FEZ2: variants seen among roughly 807,000 people sequenced by gnomAD.
FEZ2 encodes the protein fasciculation and elongation protein zeta 2, also known as fasciculation and elongation protein zeta-2.
In FEZ2, 51 loss-of-function variants were observed where a neutral mutation model predicts 40.4. That is an observed-to-expected ratio of 1.26 (90% CI 1.01 to 1.59). The LOEUF is 1.59. FEZ2 is among the 40% of genes most tolerant of loss of function. The pLI is 0.00. For missense variants in FEZ2, 640 were observed against 438.3 expected (o/e 1.46, Z -4.11); for synonymous variants, 242 against 172.0 (o/e 1.41, Z -3.18).
chr2:36,555,558 C>A (rs566076381), intron 7 of FEZ2, 125 bp downstream of exon 7: 40 of 517,678 alleles, frequency 7.7e-5, no homozygotes, highest in Non-Finnish European at 1.4e-4. Flanking sequence ...AATCCTCACC[C>A]TGCATAATAA....
At chr2:36,583,209 G>A in intron 3 of FEZ2, 144 bp downstream of exon 3, 1 of 536,728 alleles carries the variant, frequency 1.9e-6, no homozygotes, top group Non-Finnish European at 3.3e-6. Flanking sequence ...TTTCTCTGTG[G>A]AAGAGTTAAC....
In FEZ2 at chr2:36,592,490, C is replaced by T. The variant is rs542584370; in HGVS notation, c.267-1479G>A. Reference sequence around the variant, plus strand: ...ACTGCAACGGCTAAAAGCATAACATCCCAAATGATGTTTGGCTTTAAAATG... The same window carrying T: ...ACTGCAACGGCTAAAAGCATAACATTCCAAATGATGTTTGGCTTTAAAATG... On this transcript the variant is annotated intron_variant, in intron 1 of 7. Coordinates refer to ENST00000405912, the MANE Select transcript of FEZ2 (RefSeq NM_005102.3). Among the ~76,000 whole-genome samples the T allele has an allele frequency of 7.9e-5, 12 of 152,176 alleles. 1 individual carries two copies. In the South Asian group the frequency reaches 2.5e-3, roughly 32 times the overall value.
At chr2:36,566,572 T>G (rs1171073100) in intron 5 of FEZ2, among the ~76,000 whole-genome samples, 2 of 152,190 alleles carry the variant, frequency 1.3e-5, no homozygotes. Context: ...TGACTGATAG[T>G]CAGTGACTTA....
At chr2:36,581,606 T>C (rs534931124) in intron 3 of FEZ2, 175 bp from the exon 4 acceptor site, 100 of 584,054 alleles carry the variant, frequency 1.7e-4, no homozygotes, top group South Asian at 1.0e-3. Flanking sequence ...GGAGTGAACA[T>C]GGTTTATCAA....
chr2:36,557,844 A>G (rs10175266), intron 6 of FEZ2: 48,066 of 151,780 alleles, frequency 0.32, 7,934 homozygotes, highest in Middle Eastern at 0.52. Flanking sequence ...TAAATCTAAC[A>G]ATTTTTTTTT....
chr2:36,578,951 T>C (rs538657465), intron 4 of FEZ2, 86 bp from the exon 5 acceptor site: 2 of 1,072,434 alleles, frequency 1.9e-6, no homozygotes, highest in East Asian at 2.4e-5. Flanking sequence ...AATGACTAAA[T>C]AAACACCTAT....
At chr2:36,579,847 A>G (rs1668681342) in intron 4 of FEZ2, among the ~76,000 whole-genome samples, 1 of 152,210 alleles carries the variant, frequency 6.6e-6, no homozygotes, top group Non-Finnish European at 1.5e-5. Flanking sequence ...CAGATAGGAC[A>G]CTGTTAAAGT....
intron 1 of FEZ2, among the ~76,000 whole-genome samples, chr2:36,597,308 G>A (rs1669255957): frequency 6.6e-6 from 1 of 152,032 alleles, no homozygotes; most frequent in African/African-American, 2.4e-5. Context: ...TCTTTATAAA[G>A]TCGTTCCTTA....
chr2:36,574,399 C>A (rs924744340), intron 5 of FEZ2, among the ~76,000 whole-genome samples: 1 of 151,780 alleles, frequency 6.6e-6, no homozygotes. Context: ...TTATTAGGTA[C>A]CTAAGGTTGG....
intron 5 of FEZ2, among the ~76,000 whole-genome samples, chr2:36,576,700 T>C (rs1025198178): frequency 1.3e-5 from 2 of 152,250 alleles, no homozygotes; most frequent in African/African-American, 2.4e-5. Flanking sequence ...TCAAATATTA[T>C]GAAAAATATT....
chr2:36,584,591 G>C (rs2125238020), intron 2 of FEZ2, among the ~76,000 whole-genome samples: 1 of 152,294 alleles, frequency 6.6e-6, no homozygotes, highest in African/African-American at 2.4e-5. Flanking sequence ...GGAAGGATTA[G>C]CACACACTGA....
At chr2:36,591,187 A>C (rs1669062403) in intron 1 of FEZ2, 176 bp from the exon 2 acceptor site, 4 of 593,092 alleles carry the variant, frequency 6.7e-6, no homozygotes, top group Non-Finnish European at 1.2e-5. Context: ...AACGAGGTGA[A>C]AAATCACATA....
rs1375302053 is a variant in FEZ2, at chr2:36,598,043, C to A, written c.100G>T (p.Ala34Ser). ...CCACCCGCCTCGGCCCCCGCCTCCGCCCCAGGCTCGGGGCTCGCGTTACAG... is the reference window on the plus strand; with the variant it reads ...CCACCCGCCTCGGCCCCCGCCTCCGACCCAGGCTCGGGGCTCGCGTTACAG... ...ENCNASPEPG[A>S]EAGAEAGGGA... is the part of the protein sequence containing the mutation. The change falls in exon 1 of 8, where the codon GCG (alanine) becomes TCG (serine). Residue 34 changes from alanine (A) to serine (S), a missense_variant. Ala to Ser is a moderately conservative substitution (Grantham distance 99). Transcript: ENST00000405912. The A allele has an allele frequency of 1.3e-6, 2 of 1,501,850 alleles. No individual in the cohort carries two copies. Among genetic ancestry groups the A allele is most frequent in the Non-Finnish European group, 8.8e-7 (1 of 1,130,664 alleles). The allele number at this position is 1,501,850 out of a possible 1,614,324, so 93.0% of individuals were successfully genotyped here. A position where few individuals can be genotyped will look rare whatever the true frequency, so the allele number is the denominator to read the frequency against.
chr2:36,590,969 A>C lies in FEZ2; in HGVS notation c.309T>G (p.Pro103=). 1.9e-6 allele frequency: 3 copies of C among 1,612,926 alleles called. No homozygotes were observed. In the South Asian group the frequency reaches 3.3e-5, roughly 18 times the overall value. The part of the protein sequence containing the change: ...ALTDNYGNVM[P]VDWKSSHTRT... ...TAGTATGCGATGACTTCCAGTCTACAGGCATCACATTCCCATAATTATCTG... is the reference window on the plus strand; with the variant it reads ...TAGTATGCGATGACTTCCAGTCTACCGGCATCACATTCCCATAATTATCTG... Residue 103 remains proline (P), a synonymous_variant, in exon 2 of 8, where the codon CCT becomes CCG. Coordinates refer to ENST00000405912, the MANE Select transcript of FEZ2 (RefSeq NM_005102.3).
At chr2:36,560,549 T>C (rs1266026392) in intron 5 of FEZ2, among the ~76,000 whole-genome samples, 1 of 152,228 alleles carries the variant, frequency 6.6e-6, no homozygotes, top group African/African-American at 2.4e-5. Context: ...AATGGAGCTA[T>C]AAAACACGTC....
chr2:36,572,758 A>AG (rs1668453231), intron 5 of FEZ2, among the ~76,000 whole-genome samples: 1 of 152,202 alleles, frequency 6.6e-6, no homozygotes, highest in South Asian at 2.1e-4. Flanking sequence ...ATTAAAAAGA[A>AG]GGGGGGAAAA....
At chr2:36,572,329 G>C (rs959029932) in intron 5 of FEZ2, among the ~76,000 whole-genome samples, 2 of 152,178 alleles carry the variant, frequency 1.3e-5, no homozygotes, top group Admixed American at 6.5e-5. Flanking sequence ...CCCAAGAAAA[G>C]GAACAATTCA....
At chr2:36,581,530 C>T in intron 3 of FEZ2, 99 bp from the exon 4 acceptor site, 1 of 1,004,776 alleles carries the variant, frequency 1.0e-6, no homozygotes, top group Non-Finnish European at 1.5e-6. Flanking sequence ...CAGAAATGCA[C>T]TGAATTCTCC....
chr2:36,597,477 T>A (rs1321244343), intron 1 of FEZ2, among the ~76,000 whole-genome samples: 1 of 152,208 alleles, frequency 6.6e-6, no homozygotes, highest in Non-Finnish European at 1.5e-5. Flanking sequence ...TGGTGTTCCC[T>A]GTGCGAAGCA....
Sources: gnomAD v4.1 joint callset for allele counts (sites outside exome capture counted in the v4.1 genomes callset) on GRCh38, gnomAD v4.1.1 for gene constraint, MANE v1.5 for transcripts, NCBI Gene and HGNC (gene_info 2026-07-23, HGNC 2026-07-21) for gene names.